Variants in RBM10 observed in about 807,000 individuals in gnomAD.
RBM10 encodes RNA binding motif protein 10.
A neutral mutation model predicts 84.9 loss-of-function variants in RBM10; 1 was observed. That is an observed-to-expected ratio of 0.01 (90% CI 0.00 to 0.06). RBM10 has a LOEUF of 0.06. RBM10 is among the 10% of genes least tolerant of loss of function. RBM10 has a pLI of 1.00. For missense variants in RBM10, 438 were observed against 839.0 expected, an observed-to-expected ratio of 0.52 and a Z score of 5.90; for synonymous variants, 326 against 344.5, an observed-to-expected ratio of 0.95 and a Z score of 0.60.
intron 3 of RBM10, among the ~76,000 whole-genome samples, chrX:47,170,719 G>T (rs1360611690): frequency 8.9e-6 from 1 of 112,246 alleles, no homozygotes; most frequent in Non-Finnish European, 1.9e-5. Context: ...CTGACCCCAG[G>T]CCATCTTGCC....
In RBM10 at chrX:47,152,077, T is replaced by C. The variant is rs1293232293; in HGVS notation, c.17+4579T>C. Among the ~76,000 whole-genome samples the C allele has an allele frequency of 3.6e-5, 4 of 111,521 alleles. No individual in the cohort carries two copies. In the Admixed American group the frequency reaches 3.8e-4, roughly 11 times the overall value. On this transcript the variant is annotated intron_variant, in intron 2 of 23. Transcript: ENST00000377604. Reference sequence around the variant, plus strand: ...AAATAAAAAAATCAGCCAGGCGTGGTGAAGCATGTCTGTAATCCCAGCTAC... The same window carrying C: ...AAATAAAAAAATCAGCCAGGCGTGGCGAAGCATGTCTGTAATCCCAGCTAC...
At chrX:47,156,198 T>A (rs1465986517) in intron 2 of RBM10, among the ~76,000 whole-genome samples, 1 of 111,694 alleles carries the variant, frequency 9.0e-6, no homozygotes, top group African/African-American at 3.3e-5. Flanking sequence ...CTATAGAGAT[T>A]TATAATTTTT....
intron 4 of RBM10, 71 bp downstream of exon 4, chrX:47,171,329 C>T: frequency 8.5e-7 from 1 of 1,176,396 alleles, no homozygotes; most frequent in Non-Finnish European, 1.1e-6. Flanking sequence ...CTTCTCCCCA[C>T]CCCTCCCTCA....
At position 47,185,153 on chromosome X, in the gene RBM10, G is replaced by C; in HGVS notation, c.2049G>C (p.Glu683Asp). The C allele has an allele frequency of 8.2e-7, 1 of 1,212,276 alleles. No homozygotes were observed. The change falls in exon 18 of 24, where the codon GAG becomes GAC. Residue 683 changes from glutamate to aspartate, a missense_variant. Glu to Asp is a conservative substitution (Grantham distance 45). Coordinates refer to ENST00000377604, the MANE Select transcript of RBM10 (RefSeq NM_005676.5). ...CTATCAGCTCCCTGCGAGATGACGA[G>C]AGGCGGGAGTCAGCCACTGCAGATG... is the stretch of plus-strand genomic sequence containing the variant. ...FQPISSLRDD[E>D]RRESATADAG...
chrX:47,152,441 CTT>C (rs782688935), intron 2 of RBM10, among the ~76,000 whole-genome samples: 2 of 65,239 alleles, frequency 3.1e-5, no homozygotes, highest in Admixed American at 2.0e-4. Flanking sequence ...CACTCTATAT[CTT>C]TTTTTTTTTT....
chrX:47,174,148 T>C lies in RBM10; in HGVS notation c.503-871T>C, dbSNP rs1008945755. Reference sequence around the variant, plus strand: ...TCCCAAGCCTGGAATCTTGGTTGCATGTAGGTCTTGCTCTGCATCACCCCA... The same window carrying C: ...TCCCAAGCCTGGAATCTTGGTTGCACGTAGGTCTTGCTCTGCATCACCCCA... On this transcript the variant is annotated intron_variant, in intron 5 of 23. Coordinates refer to ENST00000377604, the MANE Select transcript of RBM10 (RefSeq NM_005676.5). Among the ~76,000 whole-genome samples the C allele has an allele frequency of 3.7e-5, 4 of 108,667 alleles. No homozygotes were observed. The Admixed American group carries it at 3.9e-4, about 11-fold the overall frequency. 94.4% of individuals were successfully genotyped at this position (108,667 alleles called of 115,157 possible).
chrX:47,161,090 ATTTCTTTC>A (rs1165327228), intron 2 of RBM10, among the ~76,000 whole-genome samples: 1 of 109,883 alleles, frequency 9.1e-6, no homozygotes, highest in African/African-American at 3.3e-5. Flanking sequence ...CACACAGCTA[ATTTCTTTC>A]TTTCTTTCTT....
At chrX:47,150,526 A>C (rs1393810502) in intron 2 of RBM10, among the ~76,000 whole-genome samples, 3 of 112,066 alleles carry the variant, frequency 2.7e-5, no homozygotes, top group Non-Finnish European at 5.6e-5. Context: ...CCACTCTTGA[A>C]TATGGCATAC....
chrX:47,177,554 G>A (rs2147159563), intron 7 of RBM10, among the ~76,000 whole-genome samples: 1 of 111,318 alleles, frequency 9.0e-6, no homozygotes, highest in South Asian at 3.7e-4. Flanking sequence ...TTTCTGGAGA[G>A]ATAAAGACAA....
chrX:47,147,681 G>A (rs1233171720), intron 2 of RBM10, among the ~76,000 whole-genome samples, 183 bp downstream of exon 2: 5 of 109,776 alleles, frequency 4.6e-5, no homozygotes, highest in African/African-American at 1.6e-4. Context: ...GGCTCTGATA[G>A]TGCAGTGATG....
rs1042817496 is a variant in RBM10 at position 47,145,282 on chromosome X, A to G, written c.-329A>G. The G allele has an allele frequency of 1.8e-6, 1 of 549,223 alleles. No homozygotes were observed. The highest frequency in any genetic ancestry group is 3.1e-6 in the Non-Finnish European group (1 of 325,045). 45.3% of individuals were successfully genotyped at this position (549,223 alleles called of 1,213,427 possible). A position where few individuals can be genotyped will look rare whatever the true frequency, so the allele number is the denominator to read the frequency against. ...TCGTCGTCGCCATTTTGAGCTGGTG[A>G]CTGTGGCCGGCTGGGAGTAGGCGGC... On this transcript the variant is annotated 5_prime_UTR_variant, in exon 1 of 24. Coordinates refer to ENST00000377604, the MANE Select transcript of RBM10 (RefSeq NM_005676.5).
chrX:47,167,814 C>T (rs892712860), intron 2 of RBM10, among the ~76,000 whole-genome samples: 33 of 112,263 alleles, frequency 2.9e-4, no homozygotes, highest in Non-Finnish European at 6.0e-4. Context: ...AATTTGTACC[C>T]AGCATCCTTA....
At chrX:47,145,915 A>C in intron 1 of RBM10, among the ~76,000 whole-genome samples, 1 of 57,918 alleles carries the variant, frequency 1.7e-5, no homozygotes, top group Admixed American at 2.4e-4. Flanking sequence ...GGGGGATCGG[A>C]GGGGGGATGT....
chrX:47,179,198 G>T, intron 8 of RBM10, 35 bp downstream of exon 8: 1 of 1,201,723 alleles, frequency 8.3e-7, no homozygotes, highest in East Asian at 3.0e-5. Context: ...TCTCCAGGGC[G>T]GAGCGGTTGG....
intron 17 of RBM10, among the ~76,000 whole-genome samples, chrX:47,184,612 T>G (rs1225932181): frequency 9.0e-6 from 1 of 110,682 alleles, no homozygotes; most frequent in Non-Finnish European, 1.9e-5. Flanking sequence ...CTGATTGTTC[T>G]GCCTCAGCTT....
chrX:47,166,433 C>T (rs868949379), intron 2 of RBM10, among the ~76,000 whole-genome samples: 2 of 111,268 alleles, frequency 1.8e-5, no homozygotes, highest in Non-Finnish European at 3.8e-5. Flanking sequence ...TTGAAACAGT[C>T]TATCCAATGT....
intron 22 of RBM10, 36 bp downstream of exon 22, chrX:47,186,207 C>G (rs782451164): frequency 8.3e-7 from 1 of 1,208,674 alleles, no homozygotes; most frequent in Non-Finnish European, 1.1e-6. Flanking sequence ...GTCTGGAGCC[C>G]GGGGCCGGGG....
intron 2 of RBM10, among the ~76,000 whole-genome samples, chrX:47,163,673 C>T (rs947228905): frequency 9.2e-6 from 1 of 109,258 alleles, no homozygotes; most frequent in Admixed American, 9.8e-5. Context: ...TCAGGGACTG[C>T]TGGTAACAAC....
chrX:47,149,917 T>G (rs1932674924), intron 2 of RBM10, among the ~76,000 whole-genome samples: 1 of 103,984 alleles, frequency 9.6e-6, no homozygotes, highest in Admixed American at 1.1e-4. Flanking sequence ...ACCTCCCAGG[T>G]TCAAGCAATT....
Sources: gnomAD v4.1 joint callset for allele counts (sites outside exome capture counted in the v4.1 genomes callset) on GRCh38, gnomAD v4.1.1 for gene constraint, MANE v1.5 for transcripts, NCBI Gene and HGNC (gene_info 2026-07-23, HGNC 2026-07-21) for gene names.